UBE2K: variants seen among roughly 807,000 people sequenced by gnomAD.
UBE2K encodes the protein ubiquitin-conjugating enzyme E2 K.
UBE2K carries 6 observed loss-of-function variants against 30.0 expected under a neutral mutation model. The observed-to-expected ratio is 0.20, with a 90% confidence interval of 0.11 to 0.39. UBE2K has a LOEUF of 0.39. Among genes scored for constraint, UBE2K ranks in the 10% least tolerant of loss-of-function variants. The pLI is 1.00. For missense variants in UBE2K, 61 were observed against 241.6 expected (o/e 0.25, Z 4.96); for synonymous variants, 86 against 83.7 (o/e 1.03, Z -0.15).
intron 1 of UBE2K, among the ~76,000 whole-genome samples, chr4:39,710,530 A>G (rs541880254): frequency 2.0e-5 from 3 of 152,018 alleles, no homozygotes; most frequent in Non-Finnish European, 4.4e-5. Context: ...CAGCCTCCCA[A>G]AGTCCTGGGA....
rs182269825 is a variant in UBE2K at position 39,738,875 on chromosome 4, A to G, written c.157+1362A>G. Reference sequence around the variant, plus strand: ...TTTTTAGTAGAGACAGGGTTTCACAATAACGGCCAGGCTGGTCTTGAACTT... The same window carrying G: ...TTTTTAGTAGAGACAGGGTTTCACAGTAACGGCCAGGCTGGTCTTGAACTT... On this transcript the variant is annotated intron_variant, in intron 2 of 6. Transcript: ENST00000261427. Among the ~76,000 whole-genome samples the G allele has an allele frequency of 1.3e-3, 191 of 152,160 alleles. 2 individuals carry two copies. Among genetic ancestry groups the G allele is most frequent in the Non-Finnish European group, 2.2e-3 (150 of 68,010 alleles).
rs971284981 is a variant in UBE2K, at chr4:39,771,144, C to T, written c.300-3690C>T. 18 of 1,612,484 alleles carry T rather than the reference C, an allele frequency of 1.1e-5. No individual in the cohort carries two copies. The East Asian group carries it at 1.3e-4, about 12-fold the overall frequency. On this transcript the variant is annotated intron_variant, in intron 4 of 6. Transcript: ENST00000261427. ...TGGCTGTAAGATAGTTGACGATGTC[C>T]CTAACAGCGAATTCCAGGGTGCCCG... is the stretch of plus-strand genomic sequence containing the variant.
chr4:39,761,782 A>G (rs73240687), intron 4 of UBE2K, among the ~76,000 whole-genome samples: 16,812 of 152,202 alleles, frequency 0.11, 1,134 homozygotes, highest in East Asian at 0.22. Context: ...ACTTTTTCAC[A>G]TTACTGAATT....
In UBE2K at chr4:39,752,412, C is replaced by T. The variant is rs549177718; in HGVS notation, c.217-3245C>T. ...AGTGCAGTGGCACAATCTCGGCTCACTGCAAGCTCCGCTTCCCAGGTTCAC... is the reference window on the plus strand; with the variant it reads ...AGTGCAGTGGCACAATCTCGGCTCATTGCAAGCTCCGCTTCCCAGGTTCAC... On this transcript the variant is annotated intron_variant, in intron 3 of 6. Coordinates refer to ENST00000261427, the MANE Select transcript of UBE2K (RefSeq NM_005339.5). Among the ~76,000 whole-genome samples, 3 of 139,084 alleles carry T rather than the reference C, an allele frequency of 2.2e-5. No individual in the cohort carries two copies. In the East Asian group the frequency reaches 6.7e-4, roughly 31 times the overall value. 91.2% of individuals were successfully genotyped at this position (139,084 alleles called of 152,430 possible).
chr4:39,752,335 C>CTTTTT (rs57289268), intron 3 of UBE2K, among the ~76,000 whole-genome samples: 3 of 64,094 alleles, frequency 4.7e-5, no homozygotes, highest in Non-Finnish European at 8.2e-5. Context: ...CTTTTTTTTT[C>CTTTTT]TTTTTTTTTT....
chr4:39,770,123 C>T, intron 4 of UBE2K: 11 of 1,590,494 alleles, frequency 6.9e-6, no homozygotes, highest in Non-Finnish European at 9.4e-6. Flanking sequence ...TGGTCTCCAG[C>T]ACGTTCTCGG....
intron 5 of UBE2K, 33 bp downstream of exon 5, chr4:39,774,966 A>G: frequency 6.8e-7 from 1 of 1,465,936 alleles, no homozygotes; most frequent in East Asian, 2.3e-5. Context: ...ACTTTCTTAT[A>G]TTATGTATGA....
chr4:39,757,860 C>G (rs142640021), intron 4 of UBE2K, among the ~76,000 whole-genome samples: 89 of 152,268 alleles, frequency 5.8e-4, no homozygotes, highest in African/African-American at 2.1e-3. Context: ...TTAACCAGTT[C>G]CTTGCATCTT....
chr4:39,717,884 G>A (rs368644802), intron 1 of UBE2K, among the ~76,000 whole-genome samples: 5 of 143,080 alleles, frequency 3.5e-5, no homozygotes, highest in African/African-American at 6.0e-5. Context: ...CTCTTAAGGC[G>A]GCGCGTCTGG....
rs908033621 is a variant in UBE2K at position 39,698,136 on chromosome 4, G to A, written c.-192G>A. The A allele has an allele frequency of 4.7e-6, 3 of 634,308 alleles. No homozygotes were observed. The highest frequency in any genetic ancestry group is 5.0e-5 in the Admixed American group (2 of 39,738). The allele number at this position is 634,308 out of a possible 1,614,324, so 39.3% of individuals were successfully genotyped here. A position where few individuals can be genotyped will look rare whatever the true frequency, so the allele number is the denominator to read the frequency against. On this transcript the variant is annotated 5_prime_UTR_variant, in exon 1 of 7. Coordinates refer to ENST00000261427, the MANE Select transcript of UBE2K (RefSeq NM_005339.5). The stretch of plus-strand genomic sequence containing the variant: ...CGTCGTGCGCATGCGCCGACCCGGC[G>A]CCATTTTGGTGGCCGGGCGCGGAGG...
At chr4:39,731,935 T>C (rs1179085329) in intron 1 of UBE2K, among the ~76,000 whole-genome samples, 3 of 152,206 alleles carry the variant, frequency 2.0e-5, no homozygotes, top group East Asian at 1.9e-4. Context: ...CTTGTAACTT[T>C]AGGGGGCATT....
chr4:39,728,956 C>T (rs1719921452), intron 1 of UBE2K, among the ~76,000 whole-genome samples: 1 of 150,312 alleles, frequency 6.7e-6, no homozygotes, highest in African/African-American at 2.4e-5. Context: ...CGTGAGCCAC[C>T]GCGCACAGCC....
chr4:39,698,591 G>A (rs1174085212), intron 1 of UBE2K, among the ~76,000 whole-genome samples: 1 of 152,134 alleles, frequency 6.6e-6, no homozygotes, highest in Non-Finnish European at 1.5e-5. Context: ...CGGTCTCGCG[G>A]GCGGGTGGTC....
At chr4:39,702,231 C>CTTTTCTT (rs1718062050) in intron 1 of UBE2K, among the ~76,000 whole-genome samples, 5 of 67,378 alleles carry the variant, frequency 7.4e-5, no homozygotes, top group Non-Finnish European at 1.1e-4. Flanking sequence ...CTTTTCTTTT[C>CTTTTCTT]TTTTTTTTTT....
At chr4:39,734,662 T>A (rs1289891112) in intron 1 of UBE2K, among the ~76,000 whole-genome samples, 2 of 151,892 alleles carry the variant, frequency 1.3e-5, no homozygotes, top group African/African-American at 4.8e-5. Flanking sequence ...AATTTAAAAC[T>A]TTAGCCAGGC....
chr4:39,723,088 G>A (rs1719517581), intron 1 of UBE2K, among the ~76,000 whole-genome samples: 1 of 149,404 alleles, frequency 6.7e-6, no homozygotes, highest in Non-Finnish European at 1.5e-5. Context: ...CTGTCACCCA[G>A]ACTGGAGTGC....
chr4:39,734,300 C>T (rs1233257071), intron 1 of UBE2K, among the ~76,000 whole-genome samples: 1 of 151,972 alleles, frequency 6.6e-6, no homozygotes, highest in Non-Finnish European at 1.5e-5. Flanking sequence ...ATGTTGGCCT[C>T]AAACTCTTGA....
At chr4:39,710,586 A>G (rs915153227) in intron 1 of UBE2K, among the ~76,000 whole-genome samples, 3 of 152,012 alleles carry the variant, frequency 2.0e-5, no homozygotes, top group African/African-American at 7.2e-5. Context: ...CATTTTTTAT[A>G]TATGGCAGCT....
At chr4:39,774,285 G>A (rs1310448176) in intron 4 of UBE2K, among the ~76,000 whole-genome samples, 1 of 151,560 alleles carries the variant, frequency 6.6e-6, no homozygotes, top group Non-Finnish European at 1.5e-5. Flanking sequence ...CAGCCTGAGC[G>A]GCAGAGCAAG....
Sources: allele counts gnomAD v4.1 joint callset (sites outside exome capture counted in the v4.1 genomes callset), GRCh38; gene constraint gnomAD v4.1.1; transcripts MANE v1.5; gene names NCBI Gene and HGNC (gene_info 2026-07-23, HGNC 2026-07-21).